The following CTNNA2 variants were observed in gnomAD, a reference collection of about 807,000 sequenced individuals.
The protein encoded by CTNNA2 is catenin alpha-2.
Under a neutral mutation model 101.0 loss-of-function variants are expected in CTNNA2, and 42 were observed. The ratio of observed to expected loss-of-function variants is 0.42; its 90% CI spans 0.32 to 0.54. The LOEUF (loss-of-function observed/expected upper bound fraction) is 0.54, where lower values mean the gene tolerates loss of function less well. Among genes scored for constraint, CTNNA2 ranks in the 20% least tolerant of loss-of-function variants. The pLI is 0.14. For synonymous variants in CTNNA2, 450 were observed against 456.4 expected, an observed-to-expected ratio of 0.99 and a Z score of 0.18; for missense variants, 871 against 1,223.1, an observed-to-expected ratio of 0.71 and a Z score of 4.29.
At chr2:79,351,095 C>T (rs982911598) in intron 3 of CTNNA2, among the ~76,000 whole-genome samples, 2 of 152,036 alleles carry the variant, frequency 1.3e-5, no homozygotes, top group Non-Finnish European at 1.5e-5. Flanking sequence ...CCTTTTTACT[C>T]TGCTATTTCT....
intron 7 of CTNNA2, among the ~76,000 whole-genome samples, chr2:79,964,952 C>T (rs933441333): frequency 6.6e-6 from 1 of 152,186 alleles, no homozygotes; most frequent in African/African-American, 2.4e-5. Flanking sequence ...TTCACCTCTA[C>T]AAACCACATT....
At chr2:80,064,082 G>GAAAAC (rs1048225345) in intron 7 of CTNNA2, among the ~76,000 whole-genome samples, 5 of 152,148 alleles carry the variant, frequency 3.3e-5, no homozygotes, top group African/African-American at 1.2e-4. Context: ...AGAGGGAGAA[G>GAAAAC]AAAACAAAAC....
intron 7 of CTNNA2, among the ~76,000 whole-genome samples, chr2:80,050,928 G>T (rs1402651983): frequency 6.6e-6 from 1 of 151,970 alleles, no homozygotes; most frequent in Non-Finnish European, 1.5e-5. Context: ...TCACTATGTT[G>T]CCCAGGCTGT....
chr2:79,494,874 G>A (rs1018388238), intron 4 of CTNNA2, among the ~76,000 whole-genome samples: 1 of 152,020 alleles, frequency 6.6e-6, no homozygotes, highest in African/African-American at 2.4e-5. Flanking sequence ...ACTTTGGGAG[G>A]CCAAGGCGGG....
chr2:80,579,299 G>T lies in CTNNA2; in HGVS notation c.1894-2407G>T, dbSNP rs986314999. The T allele has an allele frequency of 2.0e-5, 3 of 152,164 alleles. No individual in the cohort carries two copies. The South Asian group carries it at 6.2e-4, about 32-fold the overall frequency. 9.4% of individuals were successfully genotyped at this position (152,164 alleles called of 1,614,324 possible). The stretch of plus-strand genomic sequence containing the variant: ...TTTGTCATTGACTCATCTACTGAAT[G>T]CACAGATCACTGAAATGTTTGGGCA... On this transcript the variant is annotated intron_variant, in intron 13 of 18. Coordinates refer to ENST00000402739, the MANE Select transcript of CTNNA2 (RefSeq NM_001282597.3).
Position 80,053,634 on chromosome 2 carries a change from T to A in CTNNA2, c.1056+143837T>A, listed in dbSNP as rs72924623. On this transcript the variant is annotated intron_variant, in intron 7 of 18. Coordinates refer to ENST00000402739, the MANE Select transcript of CTNNA2 (RefSeq NM_001282597.3). ...AACCTTGTTAAAATGCAGTTTCTGA[T>A]TCTGTCTCAGGTCTGGGATTATGCA... Among the ~76,000 whole-genome samples, 668 of 152,352 alleles carry A rather than the reference T, an allele frequency of 4.4e-3. 7 individuals carry two copies. Among genetic ancestry groups the A allele is most frequent in the African/African-American group, 0.015 (642 of 41,590 alleles).
chr2:80,509,925 T>A (rs1182394397), intron 9 of CTNNA2, among the ~76,000 whole-genome samples: 1 of 152,212 alleles, frequency 6.6e-6, no homozygotes, highest in Non-Finnish European at 1.5e-5. Context: ...GTATTCCCCC[T>A]GGAGAAATTC....
At chr2:80,510,504 C>T (rs957936861) in intron 9 of CTNNA2, among the ~76,000 whole-genome samples, 1 of 152,198 alleles carries the variant, frequency 6.6e-6, no homozygotes, top group Non-Finnish European at 1.5e-5. Flanking sequence ...TTCTTCAAGA[C>T]CCAGCTCAAC....
chr2:80,271,310 A>G (rs1673449945), intron 7 of CTNNA2, among the ~76,000 whole-genome samples: 1 of 152,114 alleles, frequency 6.6e-6, no homozygotes, highest in South Asian at 2.1e-4. Context: ...AGAGTGTGCA[A>G]TGTGCCCAGT....
intron 2 of CTNNA2, among the ~76,000 whole-genome samples, chr2:79,263,259 G>T (rs1010268533): frequency 6.6e-6 from 1 of 152,226 alleles, no homozygotes; most frequent in Non-Finnish European, 1.5e-5. Context: ...GGAGGTGTTT[G>T]GGTCATGGGA....
chr2:79,437,403 A>C (rs1678728971), intron 4 of CTNNA2, among the ~76,000 whole-genome samples: 1 of 152,134 alleles, frequency 6.6e-6, no homozygotes, highest in South Asian at 2.1e-4. Flanking sequence ...TGCATTCCTC[A>C]CAGCTCCCAG....
intron 2 of CTNNA2, among the ~76,000 whole-genome samples, chr2:79,665,134 C>G (rs1430438886): frequency 6.6e-6 from 1 of 152,146 alleles, no homozygotes; most frequent in Non-Finnish European, 1.5e-5. Context: ...CCCTGGGTCT[C>G]TCATTTCACA....
intron 7 of CTNNA2, among the ~76,000 whole-genome samples, chr2:79,952,171 C>T (rs1483243785): frequency 2.0e-5 from 3 of 152,162 alleles, no homozygotes; most frequent in South Asian, 2.1e-4. Context: ...GGCCACCTAA[C>T]TTAGCACTCC....
intron 7 of CTNNA2, among the ~76,000 whole-genome samples, chr2:80,242,599 C>T (rs1273309156): frequency 6.6e-6 from 1 of 152,194 alleles, no homozygotes; most frequent in South Asian, 2.1e-4. Context: ...GTGCCAGCCT[C>T]CTGTGATCTT....
chr2:79,634,405 A>G (rs988673615), intron 1 of CTNNA2: 1 of 152,114 alleles, frequency 6.6e-6, no homozygotes, highest in Non-Finnish European at 1.5e-5. Flanking sequence ...TATTTTGTGG[A>G]TAGGTTTGTT....
chr2:80,201,291 A>C (rs193200905), intron 7 of CTNNA2, among the ~76,000 whole-genome samples: 6 of 152,106 alleles, frequency 3.9e-5, no homozygotes, highest in Admixed American at 3.9e-4. Flanking sequence ...CCAAAGAAGA[A>C]AAATGAGGCA....
chr2:79,871,536 G>C (rs1453462892), intron 5 of CTNNA2, among the ~76,000 whole-genome samples: 1 of 152,064 alleles, frequency 6.6e-6, no homozygotes, highest in Non-Finnish European at 1.5e-5. Flanking sequence ...CTCTGGAAGG[G>C]AGAGAGAGAA....
In CTNNA2 at chr2:80,220,487, CA is replaced by C. The variant is rs201884799; in HGVS notation, c.1057-172722del. 5.3e-3 allele frequency among the ~76,000 whole-genome samples: 800 copies of C among 152,260 alleles called. 10 individuals are homozygous for C. Among genetic ancestry groups the C allele is most frequent in the African/African-American group, 0.018 (744 of 41,534 alleles). On this transcript the variant is annotated intron_variant, in intron 7 of 18. Transcript: ENST00000402739. ...CTGTAATCCTAGCACTTTGGGAGGC[CA>C]AGACTGGAGGACTGCTTGAGCTCAG...
chr2:79,372,614 GAGAAA>G (rs1677897618), intron 3 of CTNNA2, among the ~76,000 whole-genome samples: 1 of 152,134 alleles, frequency 6.6e-6, no homozygotes, highest in South Asian at 2.1e-4. Flanking sequence ...TGACAAAGAA[GAGAAA>G]AGAAAAGGGG....
Sources: gnomAD v4.1 joint callset for allele counts (sites outside exome capture counted in the v4.1 genomes callset) on GRCh38, gnomAD v4.1.1 for gene constraint, MANE v1.5 for transcripts, NCBI Gene and HGNC (gene_info 2026-07-23, HGNC 2026-07-21) for gene names.